SND1: variants seen among roughly 807,000 people sequenced by gnomAD.
The protein encoded by SND1 is staphylococcal nuclease and tudor domain containing 1.
In SND1, 38 loss-of-function variants were observed where a neutral mutation model predicts 121.7. The observed-to-expected ratio is 0.31, with a 90% CI of 0.24 to 0.41. The LOEUF (loss-of-function observed/expected upper bound fraction) is 0.41. Ranked by LOEUF, SND1 falls within the 10% of genes least tolerant of loss-of-function variation. The pLI, the probability that SND1 is intolerant of heterozygous loss-of-function variation, is 1.00. For synonymous variants in SND1, 401 were observed against 447.4 expected (o/e 0.90, Z 1.31); for missense variants, 868 against 1,184.6 (o/e 0.73, Z 3.92).
Position 128,046,429 on chromosome 7 carries a change from G to A in SND1, c.1780-28073G>A, listed in dbSNP as rs1417055244. On this transcript the variant is annotated intron_variant, in intron 16 of 23. Coordinates refer to ENST00000354725, the MANE Select transcript of SND1 (RefSeq NM_014390.4). ...CACGCAGGCCAGAGTGCAGTGGCAT[G>A]ATCTCACCTCACTGCAACCTCCACC... 2.2e-5 allele frequency among the ~76,000 whole-genome samples: 3 copies of A among 139,498 alleles called. No individual in the cohort carries two copies. In the South Asian group the frequency reaches 7.2e-4, roughly 33 times the overall value. 91.5% of individuals were successfully genotyped at this position (139,498 alleles called of 152,430 possible). A position where few individuals can be genotyped will look rare whatever the true frequency, so the allele number is the denominator to read the frequency against.
At chr7:127,960,536 AT>A (rs1408280357) in intron 15 of SND1, among the ~76,000 whole-genome samples, 5 of 152,362 alleles carry the variant, frequency 3.3e-5, no homozygotes, top group Middle Eastern at 3.4e-3. Context: ...TTTGCTGAGC[AT>A]TGAGTCTCCA....
intron 16 of SND1, among the ~76,000 whole-genome samples, chr7:128,032,264 C>T (rs1452148050): frequency 6.6e-6 from 1 of 151,178 alleles, no homozygotes; most frequent in Non-Finnish European, 1.5e-5. Context: ...CTCCGGCCGC[C>T]CGTCTTCCTC....
At chr7:127,956,164 T>C (rs1303842188) in intron 15 of SND1, among the ~76,000 whole-genome samples, 1 of 152,196 alleles carries the variant, frequency 6.6e-6, no homozygotes, top group Non-Finnish European at 1.5e-5. Flanking sequence ...GCCCAATCCT[T>C]AGCACAATGC....
chr7:127,711,355 G>C (rs1156657030), intron 9 of SND1, among the ~76,000 whole-genome samples: 1 of 152,112 alleles, frequency 6.6e-6, no homozygotes, highest in Non-Finnish European at 1.5e-5. Context: ...ACACTTGATA[G>C]TTTAGCTGGA....
chr7:128,053,373 A>G (rs1418552606), intron 16 of SND1, among the ~76,000 whole-genome samples: 1 of 152,052 alleles, frequency 6.6e-6, no homozygotes, highest in African/African-American at 2.4e-5. Flanking sequence ...TTAAGTGGAG[A>G]ATTGCCCTGT....
intron 16 of SND1, chr7:128,030,407 C>G (rs928290078): frequency 3.1e-6 from 5 of 1,613,874 alleles, no homozygotes; most frequent in Middle Eastern, 1.7e-4. Context: ...GGTTGAGGTA[C>G]CGGGTGTTCG....
intron 10 of SND1, among the ~76,000 whole-genome samples, chr7:127,725,345 C>G (rs1796563873): frequency 6.6e-6 from 1 of 152,196 alleles, no homozygotes; most frequent in African/African-American, 2.4e-5. Flanking sequence ...GGTACTGCTT[C>G]TTCCTGTCAG....
intron 10 of SND1, among the ~76,000 whole-genome samples, chr7:127,799,737 A>G (rs1189583845): frequency 2.6e-5 from 4 of 152,216 alleles, no homozygotes; most frequent in Non-Finnish European, 5.9e-5. Context: ...TGCTCAGATC[A>G]TGTCTCTGTT....
chr7:127,926,813 G>A (rs982371052), intron 14 of SND1, among the ~76,000 whole-genome samples: 1 of 151,520 alleles, frequency 6.6e-6, no homozygotes, highest in African/African-American at 2.4e-5. Flanking sequence ...GGATACTCTC[G>A]ATCTCCTGAC....
intron 1 of SND1, among the ~76,000 whole-genome samples, chr7:127,660,425 C>T (rs1305533141): frequency 6.6e-6 from 1 of 152,132 alleles, no homozygotes; most frequent in African/African-American, 2.4e-5. Flanking sequence ...GGGTCCTGAG[C>T]TCTGTTCTTC....
chr7:127,892,781 C>G (rs1420576593), intron 13 of SND1, among the ~76,000 whole-genome samples: 2 of 151,962 alleles, frequency 1.3e-5, no homozygotes, highest in African/African-American at 4.8e-5. Flanking sequence ...GTGTGTGTAG[C>G]CTCTGTTTTT....
chr7:128,062,053 C>T (rs1010016021), intron 16 of SND1, among the ~76,000 whole-genome samples: 1 of 152,266 alleles, frequency 6.6e-6, no homozygotes, highest in African/African-American at 2.4e-5. Context: ...GTGTCCAGAT[C>T]TTCTCTCTAC....
chr7:127,920,259 TTTTG>T (rs954786514), intron 14 of SND1, among the ~76,000 whole-genome samples: 48 of 152,320 alleles, frequency 3.2e-4, no homozygotes, highest in African/African-American at 1.1e-3. Context: ...GTTTATAGTT[TTTTG>T]TTTGTTTGTT....
chr7:127,763,488 G>A (rs757390553), intron 10 of SND1, among the ~76,000 whole-genome samples: 1 of 152,000 alleles, frequency 6.6e-6, no homozygotes, highest in African/African-American at 2.4e-5. Context: ...TTAGGACTAC[G>A]GGTGCACACT....
chr7:127,867,240 T>C (rs1482973396), intron 12 of SND1, among the ~76,000 whole-genome samples: 1 of 152,224 alleles, frequency 6.6e-6, no homozygotes, highest in Non-Finnish European at 1.5e-5. Context: ...TTACTTGACC[T>C]CTCTGGAGTA....
At chr7:127,748,865 G>C (rs371943043) in intron 10 of SND1, among the ~76,000 whole-genome samples, 3 of 152,022 alleles carry the variant, frequency 2.0e-5, no homozygotes, top group African/African-American at 2.4e-5. Flanking sequence ...TTTTGGACTA[G>C]TAGCCTCCAA....
chr7:128,039,755 G>A (rs1792816182), intron 16 of SND1, among the ~76,000 whole-genome samples: 2 of 152,120 alleles, frequency 1.3e-5, no homozygotes, highest in South Asian at 4.1e-4. Flanking sequence ...AAAGGGAGTG[G>A]GGGCTGTTGA....
Position 128,000,473 on chromosome 7 carries a change from C to T in SND1, c.1779+9417C>T, listed in dbSNP as rs141757102. Among the ~76,000 whole-genome samples the T allele has an allele frequency of 7.8e-3, 1,177 of 151,108 alleles. 18 individuals are homozygous for T. The highest frequency in any genetic ancestry group is 0.027 in the African/African-American group (1,099 of 41,042). On this transcript the variant is annotated intron_variant, in intron 16 of 23. Transcript: ENST00000354725. Reference sequence around the variant, plus strand: ...GCCTCAACCTCCCAGGCTCAGGTGACCCTCCCACCTCAGCCTCTCAAGTAG... The same window carrying T: ...GCCTCAACCTCCCAGGCTCAGGTGATCCTCCCACCTCAGCCTCTCAAGTAG...
intron 13 of SND1, among the ~76,000 whole-genome samples, chr7:127,888,994 C>T (rs1467025450): frequency 6.6e-6 from 1 of 152,130 alleles, no homozygotes; most frequent in African/African-American, 2.4e-5. Flanking sequence ...ACATTTACCT[C>T]TAACACCGTG....
Sources: gnomAD v4.1 joint callset for allele counts (sites outside exome capture counted in the v4.1 genomes callset) on GRCh38, gnomAD v4.1.1 for gene constraint, MANE v1.5 for transcripts, NCBI Gene and HGNC (gene_info 2026-07-23, HGNC 2026-07-21) for gene names.